The following CAMTA1 variants were observed in gnomAD, a reference collection of about 807,000 sequenced individuals.
CAMTA1 encodes the protein calmodulin-binding transcription activator 1.
In CAMTA1, 27 loss-of-function variants were observed where a neutral mutation model predicts 170.9. The observed-to-expected ratio is 0.16, with a 90% CI of 0.12 to 0.22. The LOEUF (loss-of-function observed/expected upper bound fraction) is 0.22, where lower values mean the gene tolerates loss of function less well. Among genes scored for constraint, CAMTA1 ranks in the 10% least tolerant of loss-of-function variants. The pLI is 1.00. For missense variants in CAMTA1, 1,619 were observed against 2,217.2 expected (o/e 0.73, Z 5.42); for synonymous variants, 833 against 891.5 (o/e 0.93, Z 1.17).
chr1:7,484,135 C>CT (rs1557789254), intron 6 of CAMTA1, among the ~76,000 whole-genome samples: 2 of 152,182 alleles, frequency 1.3e-5, no homozygotes, highest in Non-Finnish European at 2.9e-5. Flanking sequence ...GGCCTGGGGC[C>CT]GCAGGGCCAT....
chr1:6,911,872 G>C (rs180895403), intron 3 of CAMTA1, among the ~76,000 whole-genome samples: 1 of 152,372 alleles, frequency 6.6e-6, no homozygotes, highest in African/African-American at 2.4e-5. Flanking sequence ...GGCACACACT[G>C]AGGGCACAGG....
intron 1 of CAMTA1, among the ~76,000 whole-genome samples, chr1:6,816,787 A>C (rs576792970): frequency 1.3e-5 from 2 of 152,204 alleles, no homozygotes; most frequent in Admixed American, 6.5e-5. Flanking sequence ...GAGCCGCCCC[A>C]GTATTGCAGA....
intron 9 of CAMTA1, among the ~76,000 whole-genome samples, chr1:7,668,388 AACACACACACAC>A (rs779206499): frequency 0.014 from 1,415 of 101,458 alleles, 11 homozygotes; most frequent in Middle Eastern, 0.024. Flanking sequence ...GCTGGTCACC[AACACACACACAC>A]ACACACACAC....
chr1:7,107,425 C>T (rs375037970), intron 4 of CAMTA1, among the ~76,000 whole-genome samples: 8 of 152,144 alleles, frequency 5.3e-5, no homozygotes, highest in South Asian at 4.2e-4. Context: ...ATCAGAAAAC[C>T]GTGAACTTTG....
chr1:6,969,088 T>C (rs1247249294), intron 3 of CAMTA1, among the ~76,000 whole-genome samples: 1 of 151,874 alleles, frequency 6.6e-6, no homozygotes, highest in Non-Finnish European at 1.5e-5. Flanking sequence ...CCAGAAGAGG[T>C]CAAGAATGGC....
intron 5 of CAMTA1, among the ~76,000 whole-genome samples, chr1:7,457,814 C>G (rs1030355793): frequency 1.3e-5 from 2 of 152,212 alleles, no homozygotes; most frequent in African/African-American, 4.8e-5. Context: ...GTCCTCCCTC[C>G]TGAGCAGAGC....
intron 4 of CAMTA1, among the ~76,000 whole-genome samples, chr1:7,174,612 A>AG (rs542018173): frequency 8.3e-4 from 127 of 152,282 alleles, no homozygotes; most frequent in African/African-American, 3.0e-3. Flanking sequence ...ACCACTTCTG[A>AG]GGGGGCGCCA....
intron 3 of CAMTA1, among the ~76,000 whole-genome samples, chr1:6,982,650 CG>C (rs200612587): frequency 0.019 from 2,940 of 152,280 alleles, 78 homozygotes; most frequent in African/African-American, 0.066. Context: ...AGCATGGCCC[CG>C]GGTTCTGGCT....
chr1:6,881,410 G>C (rs1347792609), intron 3 of CAMTA1, among the ~76,000 whole-genome samples: 3 of 152,184 alleles, frequency 2.0e-5, no homozygotes, highest in Admixed American at 6.5e-5. Context: ...TAGGTGTCTA[G>C]AGTGAGTATT....
intron 3 of CAMTA1, among the ~76,000 whole-genome samples, chr1:6,872,657 G>A (rs1039035165): frequency 6.6e-6 from 1 of 151,878 alleles, no homozygotes; most frequent in African/African-American, 2.4e-5. Flanking sequence ...CATTTTTATT[G>A]TATTTCTCTT....
intron 4 of CAMTA1, among the ~76,000 whole-genome samples, chr1:7,228,130 T>C (rs1294788233): frequency 6.6e-6 from 1 of 152,358 alleles, no homozygotes; most frequent in African/African-American, 2.4e-5. Context: ...AGTAACATGA[T>C]TGGGGAACAT....
At chr1:7,339,125 A>C (rs1250543456) in intron 5 of CAMTA1, among the ~76,000 whole-genome samples, 1 of 152,182 alleles carries the variant, frequency 6.6e-6, no homozygotes, top group Non-Finnish European at 1.5e-5. Context: ...ACAATTTGAC[A>C]TGAGATTTGT....
intron 6 of CAMTA1, among the ~76,000 whole-genome samples, chr1:7,525,815 G>A (rs916285000): frequency 3.3e-5 from 5 of 152,082 alleles, no homozygotes; most frequent in African/African-American, 4.8e-5. Context: ...CCCACTGCCC[G>A]CATGTCACTT....
chr1:7,568,609 CCAT>C (rs1272737768), intron 6 of CAMTA1, among the ~76,000 whole-genome samples: 2 of 147,750 alleles, frequency 1.4e-5, no homozygotes, highest in Non-Finnish European at 3.0e-5. Flanking sequence ...CACCACATCA[CCAT>C]CATCATCACC....
chr1:6,788,444 T>TC (rs1338987897), intron 1 of CAMTA1, among the ~76,000 whole-genome samples: 2 of 152,180 alleles, frequency 1.3e-5, no homozygotes, highest in Non-Finnish European at 2.9e-5. Flanking sequence ...TAGCATTGAG[T>TC]CGTCCAGTGG....
At chr1:6,947,793 A>C (rs1352709450) in intron 3 of CAMTA1, among the ~76,000 whole-genome samples, 2 of 152,000 alleles carry the variant, frequency 1.3e-5, no homozygotes, top group East Asian at 3.8e-4. Context: ...TTACAGATGG[A>C]ATTATTTTCT....
In CAMTA1 at chr1:7,095,091, C is replaced by T. The variant is rs1440451181; in HGVS notation, c.302+3720C>T. ...CCCCCTTTCCTCCTTTCTTGTTTTA[C>T]GTTTCTCTGGAGCACTCATCGCCTT... On this transcript the variant is annotated intron_variant, in intron 4 of 22. Coordinates refer to ENST00000303635, the MANE Select transcript of CAMTA1 (RefSeq NM_015215.4). Among the ~76,000 whole-genome samples, 5 of 143,242 alleles carry T rather than the reference C, an allele frequency of 3.5e-5. No individual in the cohort carries two copies. In the East Asian group the frequency reaches 7.0e-4, roughly 20 times the overall value. 94.0% of individuals were successfully genotyped at this position (143,242 alleles called of 152,430 possible). A position where few individuals can be genotyped will look rare whatever the true frequency, so the allele number is the denominator to read the frequency against.
chr1:7,574,719 T>C (rs1246870056), intron 6 of CAMTA1, among the ~76,000 whole-genome samples: 1 of 152,240 alleles, frequency 6.6e-6, no homozygotes, highest in Admixed American at 6.5e-5. Flanking sequence ...TGTGCCTTCC[T>C]GGGGACAGTC....
intron 6 of CAMTA1, among the ~76,000 whole-genome samples, chr1:7,576,050 C>G (rs919603478): frequency 6.6e-6 from 1 of 152,074 alleles, no homozygotes; most frequent in Admixed American, 6.6e-5. Context: ...GCTCTGTCAC[C>G]CAGGCTGGAG....
Sources: gnomAD v4.1 joint callset for allele counts (sites outside exome capture counted in the v4.1 genomes callset) on GRCh38, gnomAD v4.1.1 for gene constraint, MANE v1.5 for transcripts, NCBI Gene and HGNC (gene_info 2026-07-23, HGNC 2026-07-21) for gene names.